The following KCNU1 variants were observed in gnomAD, a reference collection of about 807,000 sequenced individuals.
KCNU1 encodes potassium calcium-activated channel subfamily U member 1.
Under a neutral mutation model 126.8 loss-of-function variants are expected in KCNU1, and 93 were observed. The observed-to-expected ratio is 0.73, with a 90% CI of 0.62 to 0.87. The LOEUF is 0.87. Among genes scored for constraint, KCNU1 ranks in the 40% least tolerant of loss-of-function variants. The pLI is 0.00. For missense variants in KCNU1, 1,330 were observed against 1,367.1 expected (o/e 0.97, Z 0.43); for synonymous variants, 523 against 494.2 (o/e 1.06, Z -0.77).
chr8:36,866,492 A>G (rs1160257914), intron 19 of KCNU1, among the ~76,000 whole-genome samples: 1 of 152,112 alleles, frequency 6.6e-6, no homozygotes, highest in Non-Finnish European at 1.5e-5. Flanking sequence ...GAGATAGCCT[A>G]TGGGAAAGCA....
chr8:36,876,368 T>A (rs988043745), intron 19 of KCNU1, among the ~76,000 whole-genome samples: 1 of 152,228 alleles, frequency 6.6e-6, no homozygotes, highest in Admixed American at 6.5e-5. Context: ...TACATTTTTC[T>A]GTTTTTCAAA....
At chr8:36,836,447 T>A in intron 13 of KCNU1, 82 bp downstream of exon 13, 2 of 987,804 alleles carry the variant, frequency 2.0e-6, no homozygotes, top group Non-Finnish European at 3.1e-6. Context: ...AATGGATGTG[T>A]AAATAAAAAG....
At chr8:36,826,305 G>GAGA (rs1804320991) in intron 10 of KCNU1, among the ~76,000 whole-genome samples, 21 of 151,980 alleles carry the variant, frequency 1.4e-4, no homozygotes, top group Admixed American at 1.4e-3. Flanking sequence ...TGCCTCCCGG[G>GAGA]TTCAAGTGAT....
At chr8:36,790,722 G>A (rs1029721237) in intron 2 of KCNU1, among the ~76,000 whole-genome samples, 1 of 151,914 alleles carries the variant, frequency 6.6e-6, no homozygotes, top group African/African-American at 2.4e-5. Flanking sequence ...TTGCCCCTTC[G>A]ATGAGAGACT....
intron 19 of KCNU1, among the ~76,000 whole-genome samples, chr8:36,887,690 G>A (rs1304765836): frequency 6.6e-6 from 1 of 152,012 alleles, no homozygotes; most frequent in Non-Finnish European, 1.5e-5. Flanking sequence ...AGAATGTGGT[G>A]GTGAACTACA....
intron 16 of KCNU1, 31 bp downstream of exon 16, chr8:36,841,034 G>GT (rs756308750): frequency 0.18 from 97,022 of 550,760 alleles, 1,996 homozygotes; most frequent in Admixed American, 0.22. Context: ...CTCTTCAGTT[G>GT]TTTTTTTTTT....
chr8:36,815,941 A>G (rs1278442307), intron 9 of KCNU1, among the ~76,000 whole-genome samples: 4 of 152,190 alleles, frequency 2.6e-5, no homozygotes, highest in Non-Finnish European at 1.5e-5. Context: ...GTTGTAATTC[A>G]CTGTCAATAA....
rs1470102226 is a variant in KCNU1, at chr8:36,798,933, A to C, written c.316-5094A>C. ...ATTTGGCTCAGAATAAATCTCGTCA[A>C]ATATTTTACAGAATTTGACTCTTAT... On this transcript the variant is annotated intron_variant, in intron 2 of 26. Coordinates refer to ENST00000399881, the MANE Select transcript of KCNU1 (RefSeq NM_001031836.3). 2.0e-5 allele frequency among the ~76,000 whole-genome samples: 3 copies of C among 152,122 alleles called. No individual in the cohort carries two copies. In the East Asian group the frequency reaches 5.8e-4, roughly 29 times the overall value.
chr8:36,841,035 T>G (rs1202968808), intron 16 of KCNU1, 32 bp downstream of exon 16: 1 of 286,824 alleles, frequency 3.5e-6, no homozygotes, highest in South Asian at 4.9e-5. Context: ...TCTTCAGTTG[T>G]TTTTTTTTTT....
intron 18 of KCNU1, among the ~76,000 whole-genome samples, chr8:36,863,755 G>T (rs1805806923): frequency 6.6e-6 from 1 of 152,050 alleles, no homozygotes; most frequent in Non-Finnish European, 1.5e-5. Flanking sequence ...CCCTATTAAA[G>T]TGGCTTCATG....
intron 18 of KCNU1, among the ~76,000 whole-genome samples, chr8:36,859,347 T>C (rs181354116): frequency 1.6e-3 from 244 of 152,304 alleles, no homozygotes; most frequent in Non-Finnish European, 8.5e-4. Flanking sequence ...TTTATGGGTT[T>C]AGAGCCAGTT....
intron 19 of KCNU1, among the ~76,000 whole-genome samples, chr8:36,877,381 C>A (rs1343781796): frequency 2.0e-5 from 3 of 151,542 alleles, no homozygotes; most frequent in African/African-American, 7.3e-5. Flanking sequence ...TGGCTCACTG[C>A]AACCTCTGCC....
At chr8:36,815,356 A>G (rs944953592) in intron 8 of KCNU1, among the ~76,000 whole-genome samples, 1 of 152,180 alleles carries the variant, frequency 6.6e-6, no homozygotes, top group African/African-American at 2.4e-5. Context: ...ATGTGGGGAA[A>G]TCACCTTGCT....
intron 2 of KCNU1, among the ~76,000 whole-genome samples, chr8:36,803,122 G>T (rs1281594631): frequency 6.6e-6 from 1 of 152,124 alleles, no homozygotes; most frequent in Non-Finnish European, 1.5e-5. Flanking sequence ...ATTCTGCAGA[G>T]GTCAGAGGTA....
At chr8:36,908,864 T>C (rs1035723881) in intron 20 of KCNU1, among the ~76,000 whole-genome samples, 2 of 152,300 alleles carry the variant, frequency 1.3e-5, no homozygotes, top group Middle Eastern at 3.4e-3. Flanking sequence ...CAATATGTTA[T>C]ACAGCTTGCT....
intron 2 of KCNU1, among the ~76,000 whole-genome samples, chr8:36,799,608 C>A (rs2130382322): frequency 6.6e-6 from 1 of 151,778 alleles, no homozygotes; most frequent in Middle Eastern, 3.4e-3. Context: ...AATCTCGGCT[C>A]TCTGCAACCT....
intron 24 of KCNU1, among the ~76,000 whole-genome samples, chr8:36,923,376 A>AGAT (rs1478471511): frequency 1.3e-5 from 2 of 152,122 alleles, no homozygotes; most frequent in African/African-American, 2.4e-5. Context: ...AGGGCTAAGG[A>AGAT]GATGTGAGAT....
chr8:36,801,650 T>C (rs1056697595), intron 2 of KCNU1, among the ~76,000 whole-genome samples: 2 of 152,018 alleles, frequency 1.3e-5, no homozygotes, highest in African/African-American at 4.8e-5. Flanking sequence ...TAATTATCAA[T>C]ATGCTGCTAT....
chr8:36,824,919 G>T (rs1172140342), intron 10 of KCNU1, among the ~76,000 whole-genome samples: 1 of 151,852 alleles, frequency 6.6e-6, no homozygotes, highest in Non-Finnish European at 1.5e-5. Flanking sequence ...CTATACTTTG[G>T]CTATTATAAA....
Sources: allele counts gnomAD v4.1 joint callset (sites outside exome capture counted in the v4.1 genomes callset), GRCh38; gene constraint gnomAD v4.1.1; transcripts MANE v1.5; gene names NCBI Gene and HGNC (gene_info 2026-07-23, HGNC 2026-07-21).